The following PRPF19 variants were observed in gnomAD, a reference collection of about 807,000 sequenced individuals.
The protein encoded by PRPF19 is pre-mRNA-processing factor 19.
In PRPF19, 2 loss-of-function variants were observed where a neutral mutation model predicts 64.2. The observed-to-expected ratio is 0.03, with a 90% CI of 0.01 to 0.10. The LOEUF (loss-of-function observed/expected upper bound fraction) is 0.10. PRPF19 is among the 10% of genes least tolerant of loss of function. The probability of loss-of-function intolerance (pLI) is 1.00; values close to 1 mark genes in which losing one functional copy is unlikely to be tolerated. For synonymous variants in PRPF19, 226 were observed against 251.6 expected (o/e 0.90, Z 0.96); for missense variants, 314 against 650.0 (o/e 0.48, Z 5.62).
rs1855989640 is a variant in PRPF19 at position 60,902,149 on chromosome 11, T to C, written c.525+254A>G. ...CTTTTAAATTCCCACAGCCTGCCTA[T>C]ACAGTGGATATGATCATATTCTCAG... is the stretch of plus-strand genomic sequence containing the variant. On this transcript the variant is annotated intron_variant, in intron 6 of 15. Coordinates refer to ENST00000227524, the MANE Select transcript of PRPF19 (RefSeq NM_014502.5). The surrounding 1 kb of genome is among the most constrained non-coding windows in gnomAD (Gnocchi z 5.0). Among the ~76,000 whole-genome samples the C allele has an allele frequency of 6.6e-6, 1 of 152,252 alleles. No individual in the cohort carries two copies. Among genetic ancestry groups the C allele is most frequent in the Non-Finnish European group, 1.5e-5 (1 of 68,040 alleles).
At chr11:60,903,959 C>G in intron 1 of PRPF19, 98 bp from the exon 2 acceptor site, 5 of 1,424,384 alleles carry the variant, frequency 3.5e-6, no homozygotes, top group Non-Finnish European at 4.8e-6. Flanking sequence ...TAGGCATCCT[C>G]ACACTCAACT....
chr11:60,898,999 C>A lies in PRPF19; in HGVS notation c.985-68G>T. Reference sequence around the variant, plus strand: ...GTCCCAGGTTCTGGTGGCCCTTCAGCAAGACAGAGCCCCTGGTTTGGCAAA... The same window carrying A: ...GTCCCAGGTTCTGGTGGCCCTTCAGAAAGACAGAGCCCCTGGTTTGGCAAA... On this transcript the variant is annotated intron_variant, in intron 11 of 15. Coordinates refer to ENST00000227524, the MANE Select transcript of PRPF19 (RefSeq NM_014502.5). This position sits in a 1 kb window ranked among gnomAD's most constrained non-coding sequence, Gnocchi z 4.6. 6.6e-7 allele frequency: 1 copy of A among 1,513,184 alleles called. No individual in the cohort carries two copies. The highest frequency in any genetic ancestry group is 9.0e-7 in the Non-Finnish European group (1 of 1,114,350). The allele number at this position is 1,513,184 out of a possible 1,614,324, so 93.7% of individuals were successfully genotyped here.
chr11:60,894,815 A>G (rs1046408155), intron 15 of PRPF19, among the ~76,000 whole-genome samples: 2 of 152,244 alleles, frequency 1.3e-5, no homozygotes, highest in Non-Finnish European at 2.9e-5. Flanking sequence ...TTGATCCATA[A>G]GCCGAAGATT....
intron 15 of PRPF19, among the ~76,000 whole-genome samples, chr11:60,892,060 T>G (rs925979076): frequency 1.3e-5 from 2 of 152,202 alleles, no homozygotes; most frequent in African/African-American, 4.8e-5. Context: ...GGCACCCTGT[T>G]ACCAGCATAT....
intron 1 of PRPF19, chr11:60,905,514 G>C (rs1417257624): frequency 1.3e-5 from 2 of 152,186 alleles, no homozygotes; most frequent in African/African-American, 4.8e-5. Context: ...ATGAAACAAC[G>C]AAAAGGGAAA....
chr11:60,897,252 T>C (rs576920777), intron 15 of PRPF19, among the ~76,000 whole-genome samples: 5 of 152,366 alleles, frequency 3.3e-5, no homozygotes, highest in East Asian at 1.9e-4. Flanking sequence ...TGTGTTATAA[T>C]TGTATTCACT....
rs1855999642 is a variant in PRPF19, at chr11:60,902,931, A to T, written c.247-50T>A. Reference sequence around the variant, plus strand: ...AGGTGAGGTGGGGGGTGCAGGGAGTACCCAGTGGAGTCAGCCCTTGGGGAG... The same window carrying T: ...AGGTGAGGTGGGGGGTGCAGGGAGTTCCCAGTGGAGTCAGCCCTTGGGGAG... On this transcript the variant is annotated intron_variant, in intron 3 of 15. Coordinates refer to ENST00000227524, the MANE Select transcript of PRPF19 (RefSeq NM_014502.5). The surrounding 1 kb of genome is among the most constrained non-coding windows in gnomAD (Gnocchi z 5.0). 1 of 1,593,334 alleles carries T rather than the reference A, an allele frequency of 6.3e-7. No individual in the cohort carries two copies. The highest frequency in any genetic ancestry group is 1.3e-5 in the African/African-American group (1 of 74,714).
rs761569873 is a variant in PRPF19 at position 60,901,409 on chromosome 11, A to T, written c.568-40T>A. 3.1e-6 allele frequency: 5 copies of T among 1,614,018 alleles called. No individual in the cohort carries two copies. The East Asian group carries it at 1.1e-4, about 36-fold the overall frequency. On this transcript the variant is annotated intron_variant, in intron 7 of 15. Coordinates refer to ENST00000227524, the MANE Select transcript of PRPF19 (RefSeq NM_014502.5). ...AGCCCCCAAAGAAGAGCAGCAATGA[A>T]TCCAAGATTCAGCCGCCCTCTCTCT... is the stretch of plus-strand genomic sequence containing the variant.
At position 60,901,542 on chromosome 11, in the gene PRPF19, TG is replaced by T. The variant is rs767577299; in HGVS notation, c.526-3del. 1 of 1,614,146 alleles carries T rather than the reference TG, an allele frequency of 6.2e-7. No individual in the cohort carries two copies. Among genetic ancestry groups the T allele is most frequent in the South Asian group, 1.1e-5 (1 of 91,072 alleles). On this transcript the variant is annotated splice_polypyrimidine_tract_variant and splice_region_variant and intron_variant, in intron 6 of 15. Transcript: ENST00000227524. ...TAGCACAGTGGCTTTGTCTTGAAGC[TG>T]GGGAAGAACAGGCTCAATGTGAGAC...
At position 60,902,360 on chromosome 11, in the gene PRPF19, T is replaced by C; in HGVS notation, c.525+43A>G. 1 of 1,580,368 alleles carries C rather than the reference T, an allele frequency of 6.3e-7. No individual in the cohort carries two copies. Among genetic ancestry groups the C allele is most frequent in the Middle Eastern group, 2.0e-4 (1 of 4,894 alleles). On this transcript the variant is annotated intron_variant, in intron 6 of 15. Coordinates refer to ENST00000227524, the MANE Select transcript of PRPF19 (RefSeq NM_014502.5). The surrounding 1 kb of genome is among the most constrained non-coding windows in gnomAD (Gnocchi z 5.0). ...TGGACTCCAGACAGATGGTGAAAAG[T>C]AAGGGCCCATCAGCACTCCCACCAG...
rs1191218517 is a variant in PRPF19 at position 60,890,775 on chromosome 11, C to T, written c.*391G>A. 6.5e-6 allele frequency: 3 copies of T among 461,786 alleles called. No homozygotes were observed. Among genetic ancestry groups the T allele is most frequent in the Non-Finnish European group, 1.3e-5 (3 of 230,890 alleles). The allele number at this position is 461,786 out of a possible 1,614,324, so 28.6% of individuals were successfully genotyped here. On this transcript the variant is annotated 3_prime_UTR_variant, in exon 16 of 16. Transcript: ENST00000227524. The stretch of plus-strand genomic sequence containing the variant: ...TGAAACTAGATCACTGCTTACAAAA[C>T]CCTGCACAAGCCCTCCTGCCCATCC...
At chr11:60,906,311 C>G (rs1290215548) in intron 1 of PRPF19, 53 bp downstream of exon 1, 3 of 1,568,370 alleles carry the variant, frequency 1.9e-6, no homozygotes, top group Non-Finnish European at 2.6e-6. Context: ...CACACGCTCC[C>G]GCGCCGCTCT....
intron 14 of PRPF19, 38 bp from the exon 15 acceptor site, chr11:60,897,989 A>G (rs1380287761): frequency 1.2e-6 from 2 of 1,610,660 alleles, no homozygotes; most frequent in Non-Finnish European, 1.7e-6. Flanking sequence ...ACACAAGGGG[A>G]ACAGAAACTA....
In PRPF19 at chr11:60,900,571, G is replaced by A. The variant is rs1391720476; in HGVS notation, c.828+11C>T. ...AAAGAAGAACCAAGGGTGGCGAGGA[G>A]AACCCCTTACCTGGGAAGGGTGAAA... On this transcript the variant is annotated intron_variant, in intron 10 of 15. Coordinates refer to ENST00000227524, the MANE Select transcript of PRPF19 (RefSeq NM_014502.5). 3.3e-6 allele frequency: 5 copies of A among 1,535,052 alleles called. No homozygotes were observed. Among genetic ancestry groups the A allele is most frequent in the African/African-American group, 1.4e-5 (1 of 72,644 alleles).
At chr11:60,894,669 C>A (rs539920750) in intron 15 of PRPF19, among the ~76,000 whole-genome samples, 1 of 152,278 alleles carries the variant, frequency 6.6e-6, no homozygotes, top group African/African-American at 2.4e-5. Flanking sequence ...TTCTTAAGGG[C>A]GTGTAGAATG....
rs749879413 is a variant in PRPF19, at chr11:60,899,144, C to A, written c.984+5G>T. On this transcript the variant is annotated splice_donor_5th_base_variant and intron_variant, in intron 11 of 15. Coordinates refer to ENST00000227524, the MANE Select transcript of PRPF19 (RefSeq NM_014502.5). ...GCCTCTCCAGGGCACTGGCTGGGAC[C>A]GCACCTGATCATCGGAGGAGCTCAG... 2 of 1,609,956 alleles carry A rather than the reference C, an allele frequency of 1.2e-6. No homozygotes were observed. Among genetic ancestry groups the A allele is most frequent in the African/African-American group, 2.7e-5 (2 of 74,850 alleles).
At chr11:60,900,972 A>C in intron 8 of PRPF19, 43 bp from the exon 9 acceptor site, 1 of 1,608,024 alleles carries the variant, frequency 6.2e-7, no homozygotes, top group Non-Finnish European at 8.5e-7. Flanking sequence ...GCCAAATCAC[A>C]GCAGGCCACA....
At chr11:60,891,300 T>C (rs1765474921) in intron 15 of PRPF19, 37 bp from the exon 16 acceptor site, 5 of 1,489,306 alleles carry the variant, frequency 3.4e-6, no homozygotes, top group Non-Finnish European at 4.7e-6. Flanking sequence ...TGAGAAGGCT[T>C]TTCCTCCTTT....
rs1856051147 is a variant in PRPF19, at chr11:60,906,542, T to C, written c.-160A>G. On this transcript the variant is annotated 5_prime_UTR_variant, in exon 1 of 16. Coordinates refer to ENST00000227524, the MANE Select transcript of PRPF19 (RefSeq NM_014502.5). ...GCTAGCGTAGCGCTTCACGTGGGAATGGGGACAGCCGCGCGCCACAGCCTT... is the reference window on the plus strand; with the variant it reads ...GCTAGCGTAGCGCTTCACGTGGGAACGGGGACAGCCGCGCGCCACAGCCTT... 12 of 724,004 alleles carry C rather than the reference T, an allele frequency of 1.7e-5. No homozygotes were observed. In the South Asian group the frequency reaches 2.2e-4, roughly 13 times the overall value. The allele number at this position is 724,004 out of a possible 1,614,324, so 44.8% of individuals were successfully genotyped here. A position where few individuals can be genotyped will look rare whatever the true frequency, so the allele number is the denominator to read the frequency against.
Sources: gnomAD v4.1 joint callset for allele counts (sites outside exome capture counted in the v4.1 genomes callset) on GRCh38, gnomAD v4.1.1 for gene constraint, Gnocchi (gnomAD v3.1) non-coding constraint, MANE v1.5 for transcripts, NCBI Gene and HGNC (gene_info 2026-07-23, HGNC 2026-07-21) for gene names.